The following PLXDC2 variants were observed in gnomAD, a reference collection of about 807,000 sequenced individuals.
PLXDC2 encodes the protein plexin domain-containing protein 2.
In PLXDC2, 40 loss-of-function variants were observed where a neutral mutation model predicts 68.9. That is an observed-to-expected ratio of 0.58 (90% CI 0.45 to 0.76). PLXDC2 has a LOEUF of 0.76. Ranked by LOEUF, PLXDC2 falls within the 30% of genes least tolerant of loss-of-function variation. The pLI is 0.00. For missense variants in PLXDC2, 644 were observed against 661.9 expected (o/e 0.97, Z 0.30); for synonymous variants, 243 against 234.2 (o/e 1.04, Z -0.34).
rs528993256 is a variant in PLXDC2 at position 20,214,691 on chromosome 10, A to T, written c.1123-2735A>T. ...CTTTAAAATTCAAGTTTTATTCAGA[A>T]TCTACTTGTTTTGTTATAGGAGGGC... On this transcript the variant is annotated intron_variant, in intron 10 of 13. Coordinates refer to ENST00000377252, the MANE Select transcript of PLXDC2 (RefSeq NM_032812.9). Among the ~76,000 whole-genome samples the T allele has an allele frequency of 3.9e-5, 6 of 152,222 alleles. No individual in the cohort carries two copies. In the South Asian group the frequency reaches 8.3e-4, roughly 21 times the overall value.
chr10:19,873,429 G>GAAC (rs1837579000), intron 1 of PLXDC2, among the ~76,000 whole-genome samples: 1 of 24,754 alleles, frequency 4.0e-5, no homozygotes, highest in Admixed American at 4.6e-4. Context: ...TTTTTTTTTT[G>GAAC]AACTGAGACC....
intron 4 of PLXDC2, among the ~76,000 whole-genome samples, chr10:20,105,723 CTT>C (rs1227625954): frequency 2.0e-5 from 3 of 152,188 alleles, no homozygotes; most frequent in African/African-American, 7.2e-5. Context: ...TGGGTATCAC[CTT>C]GGTTGTCAGG....
rs114289068 is a variant in PLXDC2 at position 19,957,916 on chromosome 10, T to A, written c.113-43859T>A. Among the ~76,000 whole-genome samples, 742 of 152,236 alleles carry A rather than the reference T, an allele frequency of 4.9e-3. 3 individuals are homozygous for A. The highest frequency in any genetic ancestry group is 0.017 in the African/African-American group (713 of 41,546). On this transcript the variant is annotated intron_variant, in intron 1 of 13. Coordinates refer to ENST00000377252, the MANE Select transcript of PLXDC2 (RefSeq NM_032812.9). ...TAGAGTTTCAGTTTTATGCAGTCTA[T>A]ATATTAGGTGCTACCAGAAAGATTA... is the stretch of plus-strand genomic sequence containing the variant.
rs182528505 is a variant in PLXDC2, at chr10:20,246,729, A to G, written c.1473+1224A>G. On this transcript the variant is annotated intron_variant, in intron 13 of 13. Coordinates refer to ENST00000377252, the MANE Select transcript of PLXDC2 (RefSeq NM_032812.9). ...AGATAGAACTAGAAATACTAAAGCAATAAAAGAAATCTTCTCTTGCAGAAT... is the reference window on the plus strand; with the variant it reads ...AGATAGAACTAGAAATACTAAAGCAGTAAAAGAAATCTTCTCTTGCAGAAT... 2.4e-4 allele frequency among the ~76,000 whole-genome samples: 36 copies of G among 152,360 alleles called. No individual in the cohort carries two copies. The East Asian group carries it at 6.8e-3, about 29-fold the overall frequency.
chr10:20,181,365 A>G lies in PLXDC2; in HGVS notation c.1061+3956A>G, dbSNP rs547776606. Among the ~76,000 whole-genome samples, 6 of 152,210 alleles carry G rather than the reference A, an allele frequency of 3.9e-5. No individual in the cohort carries two copies. The East Asian group carries it at 1.2e-3, about 30-fold the overall frequency. On this transcript the variant is annotated intron_variant, in intron 9 of 13. Transcript: ENST00000377252. ...TTAGAGCTATAATCAAGTTTTAATC[A>G]AAACCATAACTCTCATGGAGTTTGG...
At chr10:20,229,517 CAA>C (rs58386547) in intron 12 of PLXDC2, among the ~76,000 whole-genome samples, 444 of 105,604 alleles carry the variant, frequency 4.2e-3, no homozygotes, top group Middle Eastern at 0.011. Flanking sequence ...CCACTTTAAG[CAA>C]AAAAAAAAAA....
At chr10:20,074,051 A>G (rs1222876372) in intron 4 of PLXDC2, among the ~76,000 whole-genome samples, 1 of 152,064 alleles carries the variant, frequency 6.6e-6, no homozygotes, top group Non-Finnish European at 1.5e-5. Context: ...TTGGCCCCAG[A>G]ATGTAAGTAT....
At chr10:19,966,453 G>GAACATATAAAAAA (rs1214107721) in intron 1 of PLXDC2, among the ~76,000 whole-genome samples, 1 of 14,786 alleles carries the variant, frequency 6.8e-5, no homozygotes, top group Non-Finnish European at 1.4e-4. Context: ...TAAAACATGT[G>GAACATATAAAAAA]TGTATATGTA....
At chr10:19,851,965 G>A (rs1231191912) in intron 1 of PLXDC2, among the ~76,000 whole-genome samples, 2 of 152,182 alleles carry the variant, frequency 1.3e-5, no homozygotes, top group African/African-American at 4.8e-5. Context: ...GACATTCAGG[G>A]ATAAGAGAAA....
intron 1 of PLXDC2, among the ~76,000 whole-genome samples, chr10:19,820,014 A>G (rs911611155): frequency 3.9e-5 from 6 of 152,240 alleles, no homozygotes; most frequent in Non-Finnish European, 1.5e-5. Flanking sequence ...GCAAAATTTT[A>G]AAAATATGAA....
At chr10:20,111,635 G>A (rs963288095) in intron 4 of PLXDC2, among the ~76,000 whole-genome samples, 4 of 152,120 alleles carry the variant, frequency 2.6e-5, no homozygotes, top group African/African-American at 9.7e-5. Context: ...GGAAAGACAT[G>A]TTTACTTCAT....
chr10:19,896,463 T>A (rs1334493591), intron 1 of PLXDC2, among the ~76,000 whole-genome samples: 1 of 152,232 alleles, frequency 6.6e-6, no homozygotes, highest in Non-Finnish European at 1.5e-5. Context: ...TGGGATTGAA[T>A]GAAGGAATGA....
At chr10:20,021,409 GC>G (rs1465975292) in intron 2 of PLXDC2, among the ~76,000 whole-genome samples, 1 of 152,030 alleles carries the variant, frequency 6.6e-6, no homozygotes, top group African/African-American at 2.4e-5. Context: ...TTGTCCTAAT[GC>G]TTTCCCTCCC....
intron 4 of PLXDC2, among the ~76,000 whole-genome samples, chr10:20,133,321 G>A (rs528424791): frequency 5.1e-4 from 78 of 151,980 alleles, no homozygotes; most frequent in African/African-American, 1.3e-3. Flanking sequence ...ATATATTTTC[G>A]CGTTGTTAGT....
chr10:20,106,550 A>G (rs983735622), intron 4 of PLXDC2, among the ~76,000 whole-genome samples: 2 of 152,148 alleles, frequency 1.3e-5, no homozygotes, highest in Non-Finnish European at 2.9e-5. Flanking sequence ...CTCATTGGCA[A>G]TGTGCATATG....
chr10:20,218,704 A>AT (rs144797198), intron 11 of PLXDC2, among the ~76,000 whole-genome samples: 19,335 of 152,038 alleles, frequency 0.13, 1,579 homozygotes, highest in African/African-American at 0.22. Flanking sequence ...CTTGATCTTG[A>AT]TTTTTTAAAA....
chr10:20,171,099 T>C (rs1259422036), intron 7 of PLXDC2, among the ~76,000 whole-genome samples: 1 of 152,154 alleles, frequency 6.6e-6, no homozygotes, highest in East Asian at 1.9e-4. Context: ...ACTATAATTA[T>C]GTAGCAGCTA....
intron 6 of PLXDC2, among the ~76,000 whole-genome samples, chr10:20,156,941 A>G (rs1385566412): frequency 6.6e-6 from 1 of 151,758 alleles, no homozygotes; most frequent in African/African-American, 2.4e-5. Context: ...TTTTGTAGAG[A>G]CAGTTTCTTG....
intron 2 of PLXDC2, among the ~76,000 whole-genome samples, chr10:20,045,986 CA>C (rs1244313282): frequency 6.6e-6 from 1 of 152,026 alleles, no homozygotes; most frequent in Non-Finnish European, 1.5e-5. Flanking sequence ...GGCTTTGTGA[CA>C]GGCACTAAGG....
Sources: gnomAD v4.1 joint callset for allele counts (sites outside exome capture counted in the v4.1 genomes callset) on GRCh38, gnomAD v4.1.1 for gene constraint, MANE v1.5 for transcripts, NCBI Gene and HGNC (gene_info 2026-07-23, HGNC 2026-07-21) for gene names.